Variants in NEIL1 observed in about 807,000 individuals in gnomAD.
NEIL1 encodes endonuclease 8-like 1.
A neutral mutation model predicts 44.2 loss-of-function variants in NEIL1; 31 were observed. The observed-to-expected ratio is 0.70, with a 90% CI of 0.53 to 0.95. The LOEUF (loss-of-function observed/expected upper bound fraction) is 0.95, where lower values mean the gene tolerates loss of function less well. NEIL1 is among the 40% of genes least tolerant of loss of function. NEIL1 has a pLI of 0.00. For missense variants in NEIL1, 549 were observed against 515.5 expected (o/e 1.07, Z -0.63); for synonymous variants, 254 against 209.7 (o/e 1.21, Z -1.83).
In NEIL1 at chr15:75,356,014, T is replaced by C. The variant is rs15970; in HGVS notation, c.*980T>C. On this transcript the variant is annotated 3_prime_UTR_variant, in exon 10 of 10. Transcript: ENST00000355059. This position sits in a 1 kb window ranked among gnomAD's most constrained non-coding sequence, Gnocchi z 5.8. The stretch of plus-strand genomic sequence containing the variant: ...GGGTCAAGTGGCCAGCAGGGTCTGG[T>C]CGCTCCAAGAGATCGCAGCTGGAGA... The C allele has an allele frequency of 6.2e-7, 1 of 1,613,984 alleles. No homozygotes were observed. Among genetic ancestry groups the C allele is most frequent in the South Asian group, 1.1e-5 (1 of 91,064 alleles).
chr15:75,352,458 TG>T (rs892870541), intron 4 of NEIL1, 71 bp downstream of exon 4: 28 of 1,588,152 alleles, frequency 1.8e-5, no homozygotes, highest in Non-Finnish European at 2.3e-5. Flanking sequence ...AGGAGATGGG[TG>T]GGGTCAGGTG....
chr15:75,351,206 C>G (rs2071857379), intron 2 of NEIL1: 4 of 449,696 alleles, frequency 8.9e-6, no homozygotes, highest in Admixed American at 7.3e-5. Flanking sequence ...GTCCTGTGGC[C>G]ACACTGTTCT....
chr15:75,352,898 G>C, intron 5 of NEIL1, 197 bp downstream of exon 5: 1 of 543,770 alleles, frequency 1.8e-6, no homozygotes, highest in Middle Eastern at 4.2e-4. Context: ...CCAGCACTTC[G>C]GGAGGCCGAG....
At position 75,348,981 on chromosome 15, in the gene NEIL1, T is replaced by C; in HGVS notation, c.76T>C (p.Cys26Arg). 2 of 1,613,576 alleles carry C rather than the reference T, an allele frequency of 1.2e-6. No homozygotes were observed. Among genetic ancestry groups the C allele is most frequent in the Non-Finnish European group, 1.7e-6 (2 of 1,179,886 alleles). The change falls in exon 2 of 10, where the codon TGC (cysteine) becomes CGC (arginine). Residue 26 changes from cysteine to arginine, a missense_variant. By Grantham distance (180) the Cys-to-Arg change is radical. Coordinates refer to ENST00000355059, the MANE Select transcript of NEIL1 (RefSeq NM_024608.4). ...CTGCAGGGCGCTGGTGTTCGGCGGC[T>C]GCGTGGAGAAGTCCTCTGTCAGCCG... is the stretch of plus-strand genomic sequence containing the variant. ...EACRALVFGG[C>R]VEKSSVSRNP...
In NEIL1 at chr15:75,356,157, G is replaced by A. The variant is rs756453791; in HGVS notation, c.*1123G>A. On this transcript the variant is annotated 3_prime_UTR_variant, in exon 10 of 10. Coordinates refer to ENST00000355059, the MANE Select transcript of NEIL1 (RefSeq NM_024608.4). This position sits in a 1 kb window ranked among gnomAD's most constrained non-coding sequence, Gnocchi z 5.8. Reference sequence around the variant, plus strand: ...GCGACAAGTGCAGCCAGCAGTCCACGTGGCTGCCGTGGGCCTCATACAGCC... The same window carrying A: ...GCGACAAGTGCAGCCAGCAGTCCACATGGCTGCCGTGGGCCTCATACAGCC... 9 of 1,613,500 alleles carry A rather than the reference G, an allele frequency of 5.6e-6. No individual in the cohort carries two copies. The highest frequency in any genetic ancestry group is 1.7e-5 in the Admixed American group (1 of 60,000).
intron 5 of NEIL1, chr15:75,352,912 G>T (rs2072033570): frequency 3.9e-6 from 2 of 513,356 alleles, no homozygotes; most frequent in African/African-American, 3.9e-5. Context: ...GGCCGAGTGG[G>T]GTGGCTCACC....
In NEIL1 at chr15:75,354,016, T is replaced by C. The variant is rs562276871; in HGVS notation, c.846+150T>C. The C allele has an allele frequency of 1.2e-4, 143 of 1,176,312 alleles. No individual in the cohort carries two copies. The South Asian group carries it at 1.6e-3, about 13-fold the overall frequency. The allele number at this position is 1,176,312 out of a possible 1,614,324, so 72.9% of individuals were successfully genotyped here. On this transcript the variant is annotated intron_variant, in intron 6 of 9. Transcript: ENST00000355059. ...TGAGGGTCACACCCCTCCCCTCCCA[T>C]GCGTCCCAGGGTTGCAGCTAGTGGA... is the stretch of plus-strand genomic sequence containing the variant.
At chr15:75,354,191 G>A in intron 6 of NEIL1, 59 bp from the exon 7 acceptor site, 2 of 1,596,380 alleles carry the variant, frequency 1.3e-6, no homozygotes, top group Non-Finnish European at 1.7e-6. Context: ...GCCTCTCCAA[G>A]GAATACCGCC....
chr15:75,348,540 A>G (rs1467160468), intron 1 of NEIL1: 2 of 1,165,634 alleles, frequency 1.7e-6, no homozygotes, highest in Non-Finnish European at 2.1e-6. Flanking sequence ...CAAGGCGGAG[A>G]TGAGATCCGT....
At position 75,355,867 on chromosome 15, in the gene NEIL1, C is replaced by A; in HGVS notation, c.*833C>A. On this transcript the variant is annotated 3_prime_UTR_variant, in exon 10 of 10. Coordinates refer to ENST00000355059, the MANE Select transcript of NEIL1 (RefSeq NM_024608.4). ...GCTGGGGAAGCAGAAATTAGGAGTC[C>A]CCAGAGCCTTCTACAAACAAAACCC... 1 of 1,612,720 alleles carries A rather than the reference C, an allele frequency of 6.2e-7. No homozygotes were observed. Among genetic ancestry groups the A allele is most frequent in the Non-Finnish European group, 8.5e-7 (1 of 1,179,358 alleles).
rs368236073 is a variant in NEIL1 at position 75,356,705 on chromosome 15, T to G, written c.*1671T>G. The G allele has an allele frequency of 8.7e-6, 14 of 1,609,708 alleles. No individual in the cohort carries two copies. In the South Asian group the frequency reaches 1.5e-4, roughly 18 times the overall value. The stretch of plus-strand genomic sequence containing the variant: ...CGCAAGCTGGGGTGAGGAGGGCGCG[T>G]AGGGGCCACGCTGAAGCTGTTGGAG... On this transcript the variant is annotated 3_prime_UTR_variant, in exon 10 of 10. Coordinates refer to ENST00000355059, the MANE Select transcript of NEIL1 (RefSeq NM_024608.4). The surrounding 1 kb of genome is among the most constrained non-coding windows in gnomAD (Gnocchi z 5.8).
At chr15:75,354,887 G>T (rs538479174) in intron 9 of NEIL1, 69 bp downstream of exon 9, 22 of 1,611,254 alleles carry the variant, frequency 1.4e-5, no homozygotes, top group Non-Finnish European at 1.9e-5. Flanking sequence ...CTAGGAGCGC[G>T]TGTACAAAGG....
In NEIL1 at chr15:75,354,456, C is replaced by G; in HGVS notation, c.900C>G (p.Ser300=). The part of the protein sequence containing the change: ...PKGRKSRKKK[S]KATQLSPEDR... Reference sequence around the variant, plus strand: ...GGCGCAAGTCCCGCAAAAAGAAATCCAAGGCCACACAGCTGAGTCCTGAGG... The same window carrying G: ...GGCGCAAGTCCCGCAAAAAGAAATCGAAGGCCACACAGCTGAGTCCTGAGG... Residue 300 remains serine, a synonymous_variant, in exon 8 of 10, where the codon TCC becomes TCG. Coordinates refer to ENST00000355059, the MANE Select transcript of NEIL1 (RefSeq NM_024608.4). 6.2e-7 allele frequency: 1 copy of G among 1,614,166 alleles called. No homozygotes were observed.
chr15:75,356,516 G>A lies in NEIL1; in HGVS notation c.*1482G>A. On this transcript the variant is annotated 3_prime_UTR_variant, in exon 10 of 10. Coordinates refer to ENST00000355059, the MANE Select transcript of NEIL1 (RefSeq NM_024608.4). The surrounding 1 kb of genome is among the most constrained non-coding windows in gnomAD (Gnocchi z 5.8). ...CTACCCTCCCCTGTCCCTAGAAGGG[G>A]CAGGAAGCCAGGTTGCTGGGGTTTG... 3 of 1,557,308 alleles carry A rather than the reference G, an allele frequency of 1.9e-6. No homozygotes were observed. The highest frequency in any genetic ancestry group is 3.9e-5 in the Admixed American group (2 of 51,298).
intron 2 of NEIL1, among the ~76,000 whole-genome samples, chr15:75,350,223 G>A (rs999232184): frequency 6.6e-6 from 1 of 152,222 alleles, no homozygotes; most frequent in Admixed American, 6.5e-5. Context: ...CCTTTCCTCT[G>A]AAGAGGAAAC....
intron 5 of NEIL1, 42 bp from the exon 6 acceptor site, chr15:75,353,697 T>G: frequency 1.2e-6 from 2 of 1,612,092 alleles, no homozygotes; most frequent in Non-Finnish European, 1.7e-6. Flanking sequence ...CCTCCCAACC[T>G]GAGCCTGCCC....
At position 75,353,780 on chromosome 15, in the gene NEIL1, G is replaced by GCTGCCTTTC. The variant is rs745369140; in HGVS notation, c.761_769dup (p.Phe256_Arg257insProAlaPhe). ...GTCAGAGAGCGGGGAGGAGGACTTT[G>GCTGCCTTTC]CTGCCTTTCGAGCCTGGCTGCGCTG... is the stretch of plus-strand genomic sequence containing the variant. On this transcript the variant is annotated inframe_insertion, in exon 6 of 10. Transcript: ENST00000355059. The GCTGCCTTTC allele has an allele frequency of 5.6e-6, 9 of 1,614,140 alleles. No individual in the cohort carries two copies. Among genetic ancestry groups the GCTGCCTTTC allele is most frequent in the Non-Finnish European group, 7.6e-6 (9 of 1,180,010 alleles).
intron 9 of NEIL1, 22 bp downstream of exon 9, chr15:75,354,840 C>G: frequency 6.2e-7 from 1 of 1,613,818 alleles, no homozygotes; most frequent in Non-Finnish European, 8.5e-7. Flanking sequence ...TCATCACTCC[C>G]AGAAACTGGC....
intron 2 of NEIL1, chr15:75,349,676 T>C: frequency 3.9e-6 from 1 of 257,266 alleles, no homozygotes; most frequent in South Asian, 5.8e-5. Context: ...TAGCCGGGCA[T>C]GGTGGCACAT....
Sources: gnomAD v4.1 joint callset for allele counts (sites outside exome capture counted in the v4.1 genomes callset) on GRCh38, gnomAD v4.1.1 for gene constraint, Gnocchi (gnomAD v3.1) non-coding constraint, MANE v1.5 for transcripts, NCBI Gene and HGNC (gene_info 2026-07-23, HGNC 2026-07-21) for gene names.